The following KCNAB2 variants were observed in gnomAD, a reference collection of about 807,000 sequenced individuals.
The protein encoded by KCNAB2 is potassium voltage-gated channel subfamily A regulatory beta subunit 2.
A neutral mutation model predicts 63.6 loss-of-function variants in KCNAB2; 29 were observed. The ratio of observed to expected loss-of-function variants is 0.46; its 90% CI spans 0.34 to 0.62. The LOEUF (loss-of-function observed/expected upper bound fraction) is 0.62, where lower values mean the gene tolerates loss of function less well. Among genes scored for constraint, KCNAB2 ranks in the 20% least tolerant of loss-of-function variants. The pLI is 0.01. For missense variants in KCNAB2, 359 were observed against 563.9 expected, an observed-to-expected ratio of 0.64 and a Z score of 3.68; for synonymous variants, 222 against 224.2, an observed-to-expected ratio of 0.99 and a Z score of 0.09.
At chr1:6,011,546 A>G (rs1266717305) in intron 1 of KCNAB2, among the ~76,000 whole-genome samples, 1 of 152,240 alleles carries the variant, frequency 6.6e-6, no homozygotes, top group Non-Finnish European at 1.5e-5. Flanking sequence ...AAAGGTAGAC[A>G]GGAGAGGCTG....
chr1:6,098,156 G>A (rs1020183854), intron 15 of KCNAB2: 22 of 1,078,002 alleles, frequency 2.0e-5, no homozygotes, highest in Middle Eastern at 8.6e-4. Flanking sequence ...GGCAGGCGCA[G>A]CTGGAAAAAG....
intron 15 of KCNAB2, 111 bp from the exon 16 acceptor site, chr1:6,098,374 G>A: frequency 6.6e-7 from 1 of 1,512,446 alleles, no homozygotes; most frequent in South Asian, 1.3e-5. Context: ...ATGTGATGGG[G>A]CAACCCGGGC....
chr1:6,076,568 G>T (rs1005337275), intron 4 of KCNAB2, among the ~76,000 whole-genome samples: 1 of 152,244 alleles, frequency 6.6e-6, no homozygotes, highest in Non-Finnish European at 1.5e-5. Context: ...GGAGGCAGGT[G>T]CTATTCCCAG....
At chr1:6,091,129 A>T in intron 9 of KCNAB2, 134 bp from the exon 10 acceptor site, 1 of 700,986 alleles carries the variant, frequency 1.4e-6, no homozygotes, top group South Asian at 1.5e-5. Flanking sequence ...GTGTTGATAT[A>T]TTTTTTTCCT....
chr1:6,092,361 C>T (rs568199158), intron 10 of KCNAB2, among the ~76,000 whole-genome samples: 153 of 152,366 alleles, frequency 1.0e-3, no homozygotes, highest in African/African-American at 3.6e-3. Context: ...GCTCCTGCCC[C>T]GTCAGCCCCG....
At chr1:6,061,245 G>A (rs760129921) in intron 2 of KCNAB2, among the ~76,000 whole-genome samples, 10 of 152,238 alleles carry the variant, frequency 6.6e-5, no homozygotes, top group Non-Finnish European at 1.0e-4. Context: ...CGGAGAGACA[G>A]AAAAAGAACC....
chr1:6,087,597 C>T lies in KCNAB2; in HGVS notation c.470+86C>T. The T allele has an allele frequency of 7.0e-7, 1 of 1,432,846 alleles. No individual in the cohort carries two copies. Among genetic ancestry groups the T allele is most frequent in the South Asian group, 1.1e-5 (1 of 87,140 alleles). 88.8% of individuals were successfully genotyped at this position (1,432,846 alleles called of 1,614,324 possible). On this transcript the variant is annotated intron_variant, in intron 7 of 15. Transcript: ENST00000378083. This position sits in a 1 kb window ranked among gnomAD's most constrained non-coding sequence, Gnocchi z 6.4. ...CCAGAGACCCCTGACCTAGAAGGCT[C>T]CTGGGGTGGCGGGAGGACAGTCCTC...
intron 1 of KCNAB2, among the ~76,000 whole-genome samples, chr1:6,008,891 G>C (rs533500343): frequency 3.3e-5 from 5 of 152,324 alleles, no homozygotes; most frequent in African/African-American, 1.2e-4. Context: ...GATGTCTGAA[G>C]CCTCTGGCCT....
At chr1:6,000,025 G>A (rs531460592) in intron 1 of KCNAB2, among the ~76,000 whole-genome samples, 52 of 147,536 alleles carry the variant, frequency 3.5e-4, no homozygotes, top group South Asian at 4.3e-4. Context: ...CCCTGTCTGC[G>A]CCGTCCGTGC....
At chr1:6,095,470 G>A (rs770190813) in intron 12 of KCNAB2, 27 bp downstream of exon 12, 50 of 791,014 alleles carry the variant, frequency 6.3e-5, no homozygotes, top group Middle Eastern at 5.4e-4. Flanking sequence ...CCCTCGCCCC[G>A]CCCCACCCCA....
At position 6,024,158 on chromosome 1, in the gene KCNAB2, T is replaced by A. The variant is rs540164547; in HGVS notation, c.-52-16359T>A. Among the ~76,000 whole-genome samples the A allele has an allele frequency of 6.6e-6, 1 of 152,180 alleles. No homozygotes were observed. The highest frequency in any genetic ancestry group is 2.4e-5 in the African/African-American group (1 of 41,452). On this transcript the variant is annotated intron_variant, in intron 1 of 16. Transcript: ENST00000341524. This position sits in a 1 kb window ranked among gnomAD's most constrained non-coding sequence, Gnocchi z 5.4. ...GGTTTCACCATGTTGGTCAGGCTGG[T>A]CTCGAACTCCTGACCTCAGGTGATC...
At chr1:6,007,206 G>A (rs1220450631) in intron 1 of KCNAB2, among the ~76,000 whole-genome samples, 1 of 152,048 alleles carries the variant, frequency 6.6e-6, no homozygotes. Context: ...CTGCATGGGG[G>A]GGGCTCAGCT....
intron 1 of KCNAB2, among the ~76,000 whole-genome samples, chr1:6,019,689 C>T (rs1043397915): frequency 2.0e-5 from 3 of 152,194 alleles, no homozygotes; most frequent in African/African-American, 4.8e-5. Context: ...TAAGGTTTGG[C>T]GAGGGTCCAG....
At chr1:6,070,219 T>C (rs138663019) in intron 2 of KCNAB2, among the ~76,000 whole-genome samples, 66 of 152,218 alleles carry the variant, frequency 4.3e-4, no homozygotes, top group African/African-American at 1.6e-3. Flanking sequence ...CATTCGTATC[T>C]AGGCATATTT....
chr1:6,079,120 G>A (rs1258351911), intron 4 of KCNAB2, among the ~76,000 whole-genome samples: 1 of 152,208 alleles, frequency 6.6e-6, no homozygotes, highest in Non-Finnish European at 1.5e-5. Context: ...GAGCACAGGT[G>A]AGCGAGACCT....
chr1:6,051,479 G>A, intron 1 of KCNAB2, 32 bp from the exon 2 acceptor site: 1 of 1,442,922 alleles, frequency 6.9e-7, no homozygotes, highest in South Asian at 1.5e-5. Context: ...TGGGGCATTG[G>A]CACACTGTCT....
At position 6,098,811 on chromosome 1, in the gene KCNAB2, A is replaced by C; in HGVS notation, c.*237A>C. The C allele has an allele frequency of 2.0e-6, 1 of 488,004 alleles. No homozygotes were observed. The highest frequency in any genetic ancestry group is 2.4e-5 in the South Asian group (1 of 42,028). The allele number at this position is 488,004 out of a possible 1,614,324, so 30.2% of individuals were successfully genotyped here. A position where few individuals can be genotyped will look rare whatever the true frequency, so the allele number is the denominator to read the frequency against. On this transcript the variant is annotated 3_prime_UTR_variant, in exon 16 of 16. Transcript: ENST00000378083. ...GGCACTGGTTAGGAAGGATGTTCAAACGGTCCCACCCAAGCCTGTCACCTC... is the reference window on the plus strand; with the variant it reads ...GGCACTGGTTAGGAAGGATGTTCAACCGGTCCCACCCAAGCCTGTCACCTC...
intron 1 of KCNAB2, among the ~76,000 whole-genome samples, chr1:6,017,984 G>A (rs993980714): frequency 6.6e-5 from 10 of 152,178 alleles, no homozygotes; most frequent in Non-Finnish European, 1.5e-4. Flanking sequence ...GTGATCATAG[G>A]CGACTGCAGC....
chr1:6,085,241 G>C lies in KCNAB2; in HGVS notation c.418G>C (p.Gly140Arg), dbSNP rs1470735380. 1 of 1,613,912 alleles carries C rather than the reference G, an allele frequency of 6.2e-7. No homozygotes were observed. Among genetic ancestry groups the C allele is most frequent in the Non-Finnish European group, 8.5e-7 (1 of 1,179,878 alleles). ...VVLGNIIKKK[G>R]WRRSSLVITT... ...ACTGGGAAACATCATTAAGAAGAAA[G>C]GATGGAGGTAACGGCCCTGCTCTCT... The change falls in exon 6 of 16, where the codon GGA (glycine) becomes CGA (arginine). Residue 140 changes from glycine to arginine, a missense_variant. By Grantham distance (125) the Gly-to-Arg change is moderately radical (BLOSUM62 -2). Transcript: ENST00000378083.
Sources: gnomAD v4.1 joint callset for allele counts (sites outside exome capture counted in the v4.1 genomes callset) on GRCh38, gnomAD v4.1.1 for gene constraint, Gnocchi (gnomAD v3.1) non-coding constraint, MANE v1.5 for transcripts, NCBI Gene and HGNC (gene_info 2026-07-23, HGNC 2026-07-21) for gene names.